Variants in ABR observed in about 807,000 individuals in gnomAD.
ABR encodes ABR activator of RhoGEF and GTPase.
In ABR, 35 loss-of-function variants were observed where a neutral mutation model predicts 107.2. The observed-to-expected ratio is 0.33, with a 90% confidence interval of 0.25 to 0.43. ABR has a LOEUF of 0.43. ABR is among the 20% of genes least tolerant of loss of function. The probability of loss-of-function intolerance (pLI) is 1.00; values close to 1 mark genes in which losing one functional copy is unlikely to be tolerated. For synonymous variants in ABR, 498 were observed against 462.0 expected, an observed-to-expected ratio of 1.08 and a Z score of -1.00; for missense variants, 815 against 1,115.2, an observed-to-expected ratio of 0.73 and a Z score of 3.83.
intron 2 of ABR, among the ~76,000 whole-genome samples, chr17:1,124,484 T>C (rs991816139): frequency 6.6e-5 from 10 of 152,252 alleles, no homozygotes; most frequent in African/African-American, 2.2e-4. Flanking sequence ...TGCTCGTTCA[T>C]GTGTCTCCGA....
chr17:1,216,046 G>A (rs915873728), intron 1 of ABR, among the ~76,000 whole-genome samples: 10 of 150,148 alleles, frequency 6.7e-5, no homozygotes, highest in African/African-American at 9.8e-5. Context: ...GCGGAAGGCC[G>A]CAGGGTCCTC....
Position 1,013,141 on chromosome 17 carries a change from G to A in ABR, c.1815C>T (p.Thr605=), listed in dbSNP as rs906010066. 1.2e-6 allele frequency: 2 copies of A among 1,614,056 alleles called. No individual in the cohort carries two copies. The highest frequency in any genetic ancestry group is 1.7e-6 in the Non-Finnish European group (2 of 1,180,026). Residue 605 remains threonine (T), a synonymous_variant, in exon 17 of 23, where the codon ACC becomes ACT. Transcript: ENST00000302538. ...QIQLDPQTVE[T]KNWHTDVIEM... ...CAATCACGTCCGTGTGCCAGTTCTT[G>A]GTCTCCACGGTTTGTGGGTCCAGCT...
intron 1 of ABR, among the ~76,000 whole-genome samples, chr17:1,142,958 G>A (rs901558924): frequency 2.6e-5 from 4 of 151,240 alleles, no homozygotes; most frequent in Non-Finnish European, 5.9e-5. Flanking sequence ...ACTCCTGGGA[G>A]GAAGCTCACT....
chr17:1,112,259 G>A (rs749443975), intron 2 of ABR, among the ~76,000 whole-genome samples: 1 of 152,260 alleles, frequency 6.6e-6, no homozygotes, highest in Non-Finnish European at 1.5e-5. Context: ...TCCGTCTGGG[G>A]TGAGGACGTG....
chr17:1,047,731 T>C (rs1312637284), intron 16 of ABR, among the ~76,000 whole-genome samples: 4 of 152,204 alleles, frequency 2.6e-5, no homozygotes, highest in African/African-American at 9.6e-5. Flanking sequence ...TTGCCAAACA[T>C]AACCTGGCTT....
chr17:1,221,249 A>G (rs73281112), intron 1 of ABR, among the ~76,000 whole-genome samples: 10,141 of 152,258 alleles, frequency 0.067, 408 homozygotes, highest in East Asian at 0.12. Context: ...CCTCGAGGTG[A>G]CTAAGGAGAT....
At chr17:1,055,965 C>A (rs2033222449) in intron 14 of ABR, 70 bp downstream of exon 14, 1 of 1,446,808 alleles carries the variant, frequency 6.9e-7, no homozygotes. Context: ...GCTGGCAGGG[C>A]CCCATCCTGG....
chr17:1,005,059 G>A lies in ABR; in HGVS notation c.*1021C>T, dbSNP rs987148512. On this transcript the variant is annotated 3_prime_UTR_variant, in exon 23 of 23. Transcript: ENST00000302538. The stretch of plus-strand genomic sequence containing the variant: ...CCCCCACAACTTGCTCCTAAGAGCT[G>A]AGCTGCCTCCCCGCGACCCGGGACA... 1 of 398,928 alleles carries A rather than the reference G, an allele frequency of 2.5e-6. No homozygotes were observed. Among genetic ancestry groups the A allele is most frequent in the East Asian group, 3.6e-5 (1 of 28,082 alleles). 24.7% of individuals were successfully genotyped at this position (398,928 alleles called of 1,614,324 possible). A position where few individuals can be genotyped will look rare whatever the true frequency, so the allele number is the denominator to read the frequency against.
chr17:1,180,492 C>G (rs1038722897), upstream of ABR, among the ~76,000 whole-genome samples: 24 of 152,190 alleles, frequency 1.6e-4, no homozygotes, highest in Middle Eastern at 3.4e-3. Context: ...GCCGTTCCCG[C>G]CACACATGGA....
At chr17:1,147,813 A>C (rs755653898) in intron 1 of ABR, among the ~76,000 whole-genome samples, 1 of 151,910 alleles carries the variant, frequency 6.6e-6, no homozygotes, top group Non-Finnish European at 1.5e-5. Context: ...TCCTAACCCC[A>C]CCCACGCCAG....
intron 14 of ABR, among the ~76,000 whole-genome samples, chr17:1,052,083 AAC>A (rs1373794693): frequency 6.6e-6 from 1 of 151,642 alleles, no homozygotes; most frequent in Non-Finnish European, 1.5e-5. Context: ...AAAAAAAAAA[AAC>A]CAAAAAAACC....
At chr17:1,149,192 C>A (rs1187497231) in intron 1 of ABR, among the ~76,000 whole-genome samples, 1 of 151,858 alleles carries the variant, frequency 6.6e-6, no homozygotes, top group African/African-American at 2.4e-5. Context: ...CGTGAGCTAC[C>A]TAGCGCCCGG....
chr17:1,187,678 T>A (rs924872366), upstream of ABR, among the ~76,000 whole-genome samples: 1 of 151,532 alleles, frequency 6.6e-6, no homozygotes, highest in African/African-American at 2.4e-5. Context: ...TCAGCTGAGG[T>A]CAGGAGTTCG....
intron 1 of ABR, among the ~76,000 whole-genome samples, chr17:1,156,481 C>G (rs2041047874): frequency 6.6e-6 from 1 of 152,122 alleles, no homozygotes; most frequent in African/African-American, 2.4e-5. Context: ...GCCAGGAGTT[C>G]AAGACCAGCC....
At chr17:1,075,717 T>C (rs1322924486) in intron 6 of ABR, among the ~76,000 whole-genome samples, 6 of 152,240 alleles carry the variant, frequency 3.9e-5, no homozygotes, top group Non-Finnish European at 7.3e-5. Context: ...TTATGTTTTA[T>C]TTATGTATTT....
At chr17:1,130,041 A>G (rs1257141345) in intron 1 of ABR, among the ~76,000 whole-genome samples, 1 of 152,272 alleles carries the variant, frequency 6.6e-6, no homozygotes, top group Non-Finnish European at 1.5e-5. Context: ...AAGCAAGCGC[A>G]TAAAAATCAT....
Position 1,103,602 on chromosome 17 carries a change from G to A in ABR, c.247-2867C>T, listed in dbSNP as rs565008752. Among the ~76,000 whole-genome samples the A allele has an allele frequency of 5.3e-5, 8 of 152,150 alleles. No homozygotes were observed. The East Asian group carries it at 5.8e-4, about 11-fold the overall frequency. On this transcript the variant is annotated intron_variant, in intron 2 of 22. Transcript: ENST00000302538. ...CATAGACCCTGGAAGCCCTGTAATC[G>A]CCCATTTCTGCAAGATCCTCCCCTC... is the stretch of plus-strand genomic sequence containing the variant.
intron 1 of ABR, among the ~76,000 whole-genome samples, chr17:1,221,951 T>C (rs1464889211): frequency 6.6e-6 from 1 of 152,182 alleles, no homozygotes; most frequent in African/African-American, 2.4e-5. Flanking sequence ...CTTTATTACC[T>C]GGAGAGATTC....
intron 12 of ABR, 35 bp from the exon 13 acceptor site, chr17:1,057,137 C>T (rs1567668191): frequency 2.1e-6 from 3 of 1,446,308 alleles, no homozygotes; most frequent in Admixed American, 3.4e-5. Context: ...GGAGCGTGGG[C>T]ACTGGTCCAC....
Sources: gnomAD v4.1 joint callset for allele counts (sites outside exome capture counted in the v4.1 genomes callset) on GRCh38, gnomAD v4.1.1 for gene constraint, MANE v1.5 for transcripts, NCBI Gene and HGNC (gene_info 2026-07-23, HGNC 2026-07-21) for gene names.